Variants in EP300 observed in about 807,000 individuals in gnomAD.
EP300 encodes the protein histone acetyltransferase p300.
In EP300, 31 loss-of-function variants were observed where a neutral mutation model predicts 264.0. The observed-to-expected ratio is 0.12, with a 90% CI of 0.09 to 0.16. The LOEUF is 0.16. EP300 is among the 10% of genes least tolerant of loss of function. EP300 has a pLI of 1.00. For missense variants in EP300, 2,766 were observed against 3,052.9 expected (o/e 0.91, Z 2.21); for synonymous variants, 1,340 against 1,045.4 (o/e 1.28, Z -5.44).
At position 41,178,157 on chromosome 22, in the gene EP300, A is replaced by G. The variant is rs2059214132; in HGVS notation, c.6446A>G (p.Gln2149Arg). 1.3e-5 allele frequency: 21 copies of G among 1,613,900 alleles called. No homozygotes were observed. The highest frequency in any genetic ancestry group is 1.6e-5 in the Non-Finnish European group (19 of 1,179,956). Residue 2149 changes from glutamine to arginine, a missense_variant, in exon 31 of 31, where the codon CAA (glutamine) becomes CGA (arginine). Transcript: ENST00000263253. Reference sequence around the variant, plus strand: ...CAGAGGGCTGGCCTGCCCCAGCAGCAACCACAGCAGCAACTCCAGCCACCC... The same window carrying G: ...CAGAGGGCTGGCCTGCCCCAGCAGCGACCACAGCAGCAACTCCAGCCACCC... ...GVQRAGLPQQ[Q>R]PQQQLQPPMG...
rs1005411098 is a variant in EP300, at chr22:41,179,775, TAA to T, written c.*823_*824del. Reference sequence around the variant, plus strand: ...TTTACATCTAACAAAGTAAAAAAATTAAAAAGAGGGTAAGAAACGATTCCGGT... The same window carrying T: ...TTTACATCTAACAAAGTAAAAAAATTAAAGAGGGTAAGAAACGATTCCGGT... On this transcript the variant is annotated 3_prime_UTR_variant, in exon 31 of 31. Transcript: ENST00000263253. 3 of 231,142 alleles carry T rather than the reference TAA, an allele frequency of 1.3e-5. No individual in the cohort carries two copies. Among genetic ancestry groups the T allele is most frequent in the African/African-American group, 6.7e-5 (3 of 45,030 alleles). The allele number at this position is 231,142 out of a possible 1,614,324, so 14.3% of individuals were successfully genotyped here.
In EP300 at chr22:41,168,757, A is replaced by T. The variant is rs907255979; in HGVS notation, c.4062A>T (p.Pro1354=). 2.1e-5 allele frequency: 34 copies of T among 1,614,190 alleles called. No individual in the cohort carries two copies. Among genetic ancestry groups the T allele is most frequent in the Non-Finnish European group, 2.7e-5 (32 of 1,180,030 alleles). The change falls in exon 25 of 31, where the codon CCA becomes CCT. Residue 1354 remains proline (P), a synonymous_variant. Transcript: ENST00000263253. The stretch of plus-strand genomic sequence containing the variant: ...GTGGAGAGATGGCAGAATCCTTTCC[A>T]TACCGAACCAAAGCCCTCTTTGCCT... ...VDSGEMAESF[P]YRTKALFAFE...
At chr22:41,108,438 C>A (rs902035973) in intron 1 of EP300, among the ~76,000 whole-genome samples, 14 of 151,680 alleles carry the variant, frequency 9.2e-5, no homozygotes, top group African/African-American at 2.9e-4. Context: ...TTTGTTGACA[C>A]TGGTGTCCTT....
intron 16 of EP300, among the ~76,000 whole-genome samples, 179 bp downstream of exon 16, chr22:41,152,529 T>A (rs951019069): frequency 3.3e-5 from 5 of 151,680 alleles, no homozygotes; most frequent in African/African-American, 9.7e-5. Context: ...TTTTTTTTTT[T>A]AATATTCACT....
chr22:41,177,130 C>T lies in EP300; in HGVS notation c.5419C>T (p.Leu1807=), dbSNP rs764040902. 3.7e-6 allele frequency: 6 copies of T among 1,614,096 alleles called. No individual in the cohort carries two copies. In the East Asian group the frequency reaches 6.7e-5, roughly 18 times the overall value. Residue 1807 remains leucine, a synonymous_variant, in exon 31 of 31, where the codon CTA becomes TTA. Transcript: ENST00000263253. Reference sequence around the variant, plus strand: ...GAACAAATGCCCGGTGCCGTTCTGCCTAAACATCAAGCAGAAGCTCCGGCA... The same window carrying T: ...GAACAAATGCCCGGTGCCGTTCTGCTTAAACATCAAGCAGAAGCTCCGGCA... ...QENKCPVPFC[L]NIKQKLRQQQ...
chr22:41,150,061 C>T lies in EP300; in HGVS notation c.2680C>T (p.Pro894Ser), dbSNP rs562204994. The T allele has an allele frequency of 6.2e-6, 10 of 1,613,912 alleles. No individual in the cohort carries two copies. Among genetic ancestry groups the T allele is most frequent in the African/African-American group, 5.3e-5 (4 of 75,048 alleles). Residue 894 changes from proline to serine, a missense_variant, in exon 14 of 31, where the codon CCC (proline) becomes TCC (serine). Pro to Ser is a moderately conservative substitution (Grantham distance 74). Coordinates refer to ENST00000263253, the MANE Select transcript of EP300 (RefSeq NM_001429.4). ...QTPTPPTTQLPQQVQPSLPAA... is the reference protein window; with the variant it reads ...QTPTPPTTQLSQQVQPSLPAA... ...ACCTACACCACCAACAACACAACTT[C>T]CCCAACAAGTGCAGCCTTCACTTCC...
In EP300 at chr22:41,149,061, G is replaced by A. The variant is rs1212637702; in HGVS notation, c.2265G>A (p.Met755Ile). ...LNPPMGYGPR[M>I]QQPSNQGQFL... is the part of the protein sequence containing the mutation. Reference sequence around the variant, plus strand: ...AGCCTATGGGCTATGGGCCTCGTATGCAACAGCCTTCCAACCAGGGCCAGT... The same window carrying A: ...AGCCTATGGGCTATGGGCCTCGTATACAACAGCCTTCCAACCAGGGCCAGT... The change falls in exon 13 of 31, where the codon ATG becomes ATA. Residue 755 changes from methionine to isoleucine, a missense_variant. Physicochemically the swap from Met to Ile is conservative, Grantham distance 10. Transcript: ENST00000263253. The A allele has an allele frequency of 1.2e-6, 2 of 1,610,878 alleles. No individual in the cohort carries two copies. Among genetic ancestry groups the A allele is most frequent in the East Asian group, 2.2e-5 (1 of 44,780 alleles).
chr22:41,119,806 A>G (rs2058842390), intron 2 of EP300, among the ~76,000 whole-genome samples: 1 of 152,052 alleles, frequency 6.6e-6, no homozygotes, highest in South Asian at 2.1e-4. Flanking sequence ...GTTAAACGAT[A>G]TTTTATTTCC....
rs961948567 is a variant in EP300, at chr22:41,177,246, G to T, written c.5535G>T (p.Gln1845His). The change falls in exon 31 of 31, where the codon CAG becomes CAT. Residue 1845 changes from glutamine (Q) to histidine (H), a missense_variant. Transcript: ENST00000263253. ...MQRTGVVGQQ[Q>H]GLPSPTPATP... The stretch of plus-strand genomic sequence containing the variant: ...GGACTGGTGTGGTTGGGCAGCAACA[G>T]GGCCTCCCTTCCCCCACTCCTGCCA... 1 of 1,613,990 alleles carries T rather than the reference G, an allele frequency of 6.2e-7. No homozygotes were observed. The highest frequency in any genetic ancestry group is 1.3e-5 in the African/African-American group (1 of 74,906).
At chr22:41,110,680 A>C (rs2058784950) in intron 1 of EP300, among the ~76,000 whole-genome samples, 1 of 152,096 alleles carries the variant, frequency 6.6e-6, no homozygotes, top group South Asian at 2.1e-4. Context: ...CTAGGATTAC[A>C]GGCGTGAGCC....
chr22:41,170,577 T>TTGGGACATAGGGGCCAGG lies in EP300; in HGVS notation c.4452+9_4452+26dup. On this transcript the variant is annotated splice_region_variant and intron_variant, in intron 27 of 30. Transcript: ENST00000263253. Reference sequence around the variant, plus strand: ...GTATTGTCCATGACTACAAGGTCAGTTGGGACATAGGGGCCAGGTGCTGAC... The same window carrying TTGGGACATAGGGGCCAGG: ...GTATTGTCCATGACTACAAGGTCAGTTGGGACATAGGGGCCAGGTGGGACATAGGGGCCAGGTGCTGAC... 1 of 1,613,700 alleles carries TTGGGACATAGGGGCCAGG rather than the reference T, an allele frequency of 6.2e-7. No homozygotes were observed. Among genetic ancestry groups the TTGGGACATAGGGGCCAGG allele is most frequent in the Non-Finnish European group, 8.5e-7 (1 of 1,179,852 alleles).
intron 10 of EP300, among the ~76,000 whole-genome samples, chr22:41,145,726 C>T (rs932536985): frequency 6.6e-6 from 1 of 152,106 alleles, no homozygotes; most frequent in Non-Finnish European, 1.5e-5. Flanking sequence ...CGGGGTCATG[C>T]CCCGGGTTCA....
intron 25 of EP300, 66 bp downstream of exon 25, chr22:41,168,933 A>G (rs2145764193): frequency 6.3e-7 from 1 of 1,597,794 alleles, no homozygotes; most frequent in Non-Finnish European, 8.6e-7. Context: ...ATAGGTGGAA[A>G]AGCATAACAG....
At chr22:41,163,979 G>A in intron 21 of EP300, 74 bp from the exon 22 acceptor site, 1 of 1,363,604 alleles carries the variant, frequency 7.3e-7, no homozygotes, top group East Asian at 2.3e-5. Context: ...TTTGTCAGAA[G>A]TCATGGGAAA....
chr22:41,129,739 C>T, intron 4 of EP300, 151 bp from the exon 5 acceptor site: 1 of 631,914 alleles, frequency 1.6e-6, no homozygotes, highest in South Asian at 1.7e-5. Context: ...ACTGTGAATT[C>T]TGAGTATTAA....
chr22:41,176,142 C>A, intron 29 of EP300, 105 bp from the exon 30 acceptor site: 3 of 1,336,344 alleles, frequency 2.2e-6, no homozygotes, highest in Non-Finnish European at 3.2e-6. Context: ...ATTGCTTGAG[C>A]CCAGGAGGCA....
chr22:41,167,618 A>AT (rs2059145389), intron 23 of EP300, among the ~76,000 whole-genome samples: 1 of 51,796 alleles, frequency 1.9e-5, no homozygotes, highest in Non-Finnish European at 4.4e-5. Flanking sequence ...ATATATATAT[A>AT]TATATATATA....
At chr22:41,176,729 T>G (rs1263100599) in intron 30 of EP300, 44 bp from the exon 31 acceptor site, 1 of 1,612,454 alleles carries the variant, frequency 6.2e-7, no homozygotes, top group Non-Finnish European at 8.5e-7. Flanking sequence ...TTTGAATGAC[T>G]TAAATCTTGG....
In EP300 at chr22:41,103,794, ATGGT is replaced by A. The variant is rs142339647; in HGVS notation, c.94+10700_94+10703del. On this transcript the variant is annotated intron_variant, in intron 1 of 30. Coordinates refer to ENST00000263253, the MANE Select transcript of EP300 (RefSeq NM_001429.4). ...AGAATTGTATGAGCAGGGGAGTGACATGGTTGGGGAAAGACTAATTCTGGTAACA... is the reference window on the plus strand; with the variant it reads ...AGAATTGTATGAGCAGGGGAGTGACATGGGGAAAGACTAATTCTGGTAACA... 3.7e-3 allele frequency among the ~76,000 whole-genome samples: 570 copies of A among 152,286 alleles called. 1 individual carries two copies. Among genetic ancestry groups the A allele is most frequent in the Middle Eastern group, 0.01 (3 of 294 alleles).
Sources: allele counts gnomAD v4.1 joint callset (sites outside exome capture counted in the v4.1 genomes callset), GRCh38; gene constraint gnomAD v4.1.1; transcripts MANE v1.5; gene names NCBI Gene and HGNC (gene_info 2026-07-23, HGNC 2026-07-21).